MTCL2: variants seen among roughly 807,000 people sequenced by gnomAD.
The protein encoded by MTCL2 is microtubule cross-linking factor 2.
chr20:36,815,156 A>G, the MTCL2 span: 1 of 1,603,866 alleles, frequency 6.2e-7, no homozygotes, highest in Non-Finnish European at 8.5e-7. The surrounding 1 kb of genome is among the most constrained non-coding windows in gnomAD (Gnocchi z 5.3). Flanking sequence ...CTTTTGCCAG[A>G]AGAATCTCCT....
the MTCL2 span, chr20:36,808,859 T>C: frequency 8.1e-6 from 7 of 862,196 alleles, no homozygotes; most frequent in South Asian, 1.8e-5. Context: ...GAGTGATCCC[T>C]GCCGGGGATC....
At chr20:36,843,724 G>C in the MTCL2 span, among the ~76,000 whole-genome samples, 1 of 152,158 alleles carries the variant, frequency 6.6e-6, no homozygotes, top group African/African-American at 2.4e-5. Context: ...AAAATGACAG[G>C]ATATGGTGAT....
chr20:36,859,359 C>G, the MTCL2 span, among the ~76,000 whole-genome samples: 1 of 152,196 alleles, frequency 6.6e-6, no homozygotes. Context: ...GCAGCTAAAG[C>G]TGCATCTTAG....
At chr20:36,813,313 T>TAAAAA in the MTCL2 span, among the ~76,000 whole-genome samples, 27,829 of 41,392 alleles carry the variant, frequency 0.67, 11,778 homozygotes, top group East Asian at 0.88. Flanking sequence ...ACTGTTTCTT[T>TAAAAA]AAAAAAAAAA....
At chr20:36,821,687 C>T in the MTCL2 span, among the ~76,000 whole-genome samples, 1 of 152,016 alleles carries the variant, frequency 6.6e-6, no homozygotes, top group Non-Finnish European at 1.5e-5. Context: ...CCCTGCACTC[C>T]AGCCTGGGCA....
chr20:36,808,626 C>T, the MTCL2 span: 9 of 1,612,402 alleles, frequency 5.6e-6, no homozygotes, highest in Admixed American at 1.7e-5. Flanking sequence ...TGCTGGGACT[C>T]CTGCACCAGC....
the MTCL2 span, among the ~76,000 whole-genome samples, chr20:36,829,618 A>G: frequency 6.6e-6 from 1 of 150,984 alleles, no homozygotes; most frequent in Non-Finnish European, 1.5e-5. Context: ...CCAGGGCTCA[A>G]GCAATCCTCT....
the MTCL2 span, among the ~76,000 whole-genome samples, chr20:36,811,251 C>G: frequency 6.6e-6 from 1 of 152,182 alleles, no homozygotes; most frequent in South Asian, 2.1e-4. Flanking sequence ...GCAATTGTCA[C>G]TACTCAATAA....
At chr20:36,780,991 G>A in the MTCL2 span, 1 of 152,114 alleles carries the variant, frequency 6.6e-6, no homozygotes, top group Admixed American at 6.5e-5. Flanking sequence ...TTTACCAATG[G>A]CTGTCAGGAA....
the MTCL2 span, chr20:36,778,130 A>C: frequency 4.0e-5 from 12 of 302,462 alleles, no homozygotes; most frequent in Middle Eastern, 9.2e-4. Flanking sequence ...GAAACAAACA[A>C]TGTGTGCTTT....
chr20:36,803,157 T>C, the MTCL2 span: 24 of 1,547,010 alleles, frequency 1.6e-5, no homozygotes, highest in Admixed American at 1.1e-4. Flanking sequence ...CCACTCCTCT[T>C]GGCCCTTCTC....
chr20:36,791,895 A>G, the MTCL2 span, among the ~76,000 whole-genome samples: 725 of 152,354 alleles, frequency 4.8e-3, 8 homozygotes, highest in African/African-American at 0.017. Context: ...CCATCCTTCA[A>G]ATACATTTCC....
the MTCL2 span, among the ~76,000 whole-genome samples, chr20:36,852,374 G>A: frequency 6.6e-6 from 1 of 152,206 alleles, no homozygotes; most frequent in African/African-American, 2.4e-5. Context: ...GTGGCCACAG[G>A]GGCGGCATGC....
the MTCL2 span, chr20:36,805,889 G>A: frequency 6.2e-7 from 1 of 1,613,462 alleles, no homozygotes; most frequent in Admixed American, 1.7e-5. Flanking sequence ...TGCAGGCCTT[G>A]TTATCAGAAT....
chr20:36,802,545 A>G, the MTCL2 span, among the ~76,000 whole-genome samples: 2 of 152,162 alleles, frequency 1.3e-5, no homozygotes, highest in Non-Finnish European at 2.9e-5. Context: ...TATCTGGCCA[A>G]TCCACTGTAC....
chr20:36,816,923 T>C, the MTCL2 span, among the ~76,000 whole-genome samples: 14 of 152,080 alleles, frequency 9.2e-5, no homozygotes, highest in Non-Finnish European at 1.9e-4. Context: ...CTAAGAACCA[T>C]GGGCTCAGGA....
the MTCL2 span, chr20:36,805,047 A>T: frequency 4.6e-6 from 4 of 872,940 alleles, no homozygotes; most frequent in South Asian, 7.2e-5. Flanking sequence ...CATCTCACCC[A>T]TAAAATGGGA....
At chr20:36,848,298 C>T in the MTCL2 span, among the ~76,000 whole-genome samples, 4 of 152,202 alleles carry the variant, frequency 2.6e-5, no homozygotes, top group Admixed American at 1.3e-4. Flanking sequence ...TCTCTGTCCA[C>T]CCCCTGCCAA....
chr20:36,795,311 A>T, the MTCL2 span, among the ~76,000 whole-genome samples: 4 of 152,132 alleles, frequency 2.6e-5, no homozygotes, highest in Non-Finnish European at 5.9e-5. Flanking sequence ...GCTGGTCTCA[A>T]ACTTCTGGCC....
Sources: gnomAD v4.1 joint callset for allele counts (sites outside exome capture counted in the v4.1 genomes callset) on GRCh38, gnomAD v4.1.1 for gene constraint, Gnocchi (gnomAD v3.1) non-coding constraint, MANE v1.5 for transcripts, NCBI Gene and HGNC (gene_info 2026-07-23, HGNC 2026-07-21) for gene names.